ACACA: variants seen among roughly 807,000 people sequenced by gnomAD.
ACACA encodes acetyl-CoA carboxylase 1.
In ACACA, 103 loss-of-function variants were observed where a neutral mutation model predicts 296.1. The ratio of observed to expected loss-of-function variants is 0.35; its 90% CI spans 0.30 to 0.41. ACACA has a LOEUF of 0.41. Among genes scored for constraint, ACACA ranks in the 10% least tolerant of loss-of-function variants. The pLI is 1.00. For synonymous variants in ACACA, 953 were observed against 1,038.6 expected (o/e 0.92, Z 1.58); for missense variants, 1,554 against 2,989.7 (o/e 0.52, Z 11.20).
At chr17:37,320,750 C>T (rs1025663069) in intron 3 of ACACA, among the ~76,000 whole-genome samples, 5 of 151,796 alleles carry the variant, frequency 3.3e-5, no homozygotes, top group Admixed American at 6.6e-5. Flanking sequence ...GGTTCGAGAC[C>T]AGCCTGAGCA....
chr17:37,090,305 A>G (rs2072527615), intron 54 of ACACA, among the ~76,000 whole-genome samples: 1 of 152,208 alleles, frequency 6.6e-6, no homozygotes, highest in Non-Finnish European at 1.5e-5. Context: ...TTAGCTGCCG[A>G]CTTAGTTGTG....
rs150952308 is a variant in ACACA, at chr17:37,325,019, G to A, written c.338+5154C>T. Among the ~76,000 whole-genome samples, 1,273 of 151,118 alleles carry A rather than the reference G, an allele frequency of 8.4e-3. 14 individuals are homozygous for A. The highest frequency in any genetic ancestry group is 0.029 in the African/African-American group (1,214 of 41,182). ...AGTTCGAGACCTGCCTGACGAACAC[G>A]GTGAAACCCTGTCTCTGCTAAAAAT... is the stretch of plus-strand genomic sequence containing the variant. On this transcript the variant is annotated intron_variant, in intron 3 of 55. Coordinates refer to ENST00000616317, the MANE Select transcript of ACACA (RefSeq NM_198834.3).
At chr17:37,275,345 A>T (rs1025255677) in intron 8 of ACACA, among the ~76,000 whole-genome samples, 10 of 151,944 alleles carry the variant, frequency 6.6e-5, no homozygotes, top group Admixed American at 6.6e-5. Context: ...AAAAATACAA[A>T]AATTAGCCGG....
At chr17:37,320,309 C>T (rs537437289) in intron 3 of ACACA, among the ~76,000 whole-genome samples, 17 of 151,888 alleles carry the variant, frequency 1.1e-4, no homozygotes, top group Admixed American at 4.6e-4. Flanking sequence ...GTCAGGAGTT[C>T]GAGACCAGCT....
At position 37,110,075 on chromosome 17, in the gene ACACA, GA is replaced by G. The variant is rs3841372; in HGVS notation, c.6565+1455del. ...TGGCCAGAAAGAAAACCAGCAAAAA[GA>G]AAAAAAAAAGGGAAAAGAAAAAGGA... On this transcript the variant is annotated intron_variant, in intron 52 of 55. Coordinates refer to ENST00000616317, the MANE Select transcript of ACACA (RefSeq NM_198834.3). Among the ~76,000 whole-genome samples, 332 of 134,096 alleles carry G rather than the reference GA, an allele frequency of 2.5e-3. 8 individuals are homozygous for G. In the East Asian group the frequency reaches 0.063, roughly 25 times the overall value. The allele number at this position is 134,096 out of a possible 152,430, so 88.0% of individuals were successfully genotyped here.
chr17:37,277,780 C>T (rs1416411317), intron 6 of ACACA, 116 bp downstream of exon 6: 3 of 743,952 alleles, frequency 4.0e-6, no homozygotes, highest in Non-Finnish European at 7.2e-6. Flanking sequence ...CATACACAGG[C>T]ATTTAATAAT....
At position 37,200,403 on chromosome 17, in the gene ACACA, G is replaced by C. The variant is rs1030098935; in HGVS notation, c.4113+24C>G. 2.5e-6 allele frequency: 4 copies of C among 1,579,348 alleles called. No individual in the cohort carries two copies. The African/African-American group carries it at 4.0e-5, about 16-fold the overall frequency. On this transcript the variant is annotated intron_variant, in intron 34 of 55. Coordinates refer to ENST00000616317, the MANE Select transcript of ACACA (RefSeq NM_198834.3). ...TAGCAGCAGCATAAGAAATATTAAAGAGGTACAATTCACATGTCAGTACCT... is the reference window on the plus strand; with the variant it reads ...TAGCAGCAGCATAAGAAATATTAAACAGGTACAATTCACATGTCAGTACCT...
chr17:37,276,889 C>G, intron 7 of ACACA, 144 bp downstream of exon 7: 1 of 754,156 alleles, frequency 1.3e-6, no homozygotes, highest in Non-Finnish European at 2.4e-6. Context: ...GAGGGTTACT[C>G]TGAGAGTTAG....
intron 3 of ACACA, among the ~76,000 whole-genome samples, chr17:37,323,188 T>C (rs1412992727): frequency 6.6e-6 from 1 of 152,272 alleles, no homozygotes; most frequent in African/African-American, 2.4e-5. Flanking sequence ...CACCTGCCCA[T>C]CTGCATCCTC....
chr17:37,104,116 G>A (rs570775754), intron 52 of ACACA, among the ~76,000 whole-genome samples: 15 of 152,284 alleles, frequency 9.9e-5, no homozygotes, highest in African/African-American at 3.6e-4. Flanking sequence ...TAGCCAATGA[G>A]CTGGAAAAGA....
chr17:37,242,673 G>C (rs1200943115), intron 22 of ACACA, among the ~76,000 whole-genome samples: 1 of 152,120 alleles, frequency 6.6e-6, no homozygotes, highest in Admixed American at 6.5e-5. Context: ...CAAGGCTACA[G>C]CGAGCCATGA....
At chr17:37,211,777 G>T (rs2078759238) in intron 29 of ACACA, among the ~76,000 whole-genome samples, 2 of 152,200 alleles carry the variant, frequency 1.3e-5, no homozygotes, top group African/African-American at 4.8e-5. Flanking sequence ...TGTGATTTGT[G>T]AGTAGAAATG....
At chr17:37,099,213 C>T (rs2073173128) in intron 52 of ACACA, among the ~76,000 whole-genome samples, 1 of 152,160 alleles carries the variant, frequency 6.6e-6, no homozygotes, top group Non-Finnish European at 1.5e-5. Flanking sequence ...AGGGATGTAA[C>T]TATAGTACTT....
At position 37,130,663 on chromosome 17, in the gene ACACA, C is replaced by T. The variant is rs912345898; in HGVS notation, c.5680-445G>A. The stretch of plus-strand genomic sequence containing the variant: ...TTTTAAAACCAGCAAGCCCCTTTCT[C>T]TCCACCAGCTGCCACAGATAGGCAA... On this transcript the variant is annotated intron_variant, in intron 45 of 55. Transcript: ENST00000616317. 3.3e-5 allele frequency among the ~76,000 whole-genome samples: 5 copies of T among 152,126 alleles called. No individual in the cohort carries two copies. The South Asian group carries it at 1.0e-3, about 32-fold the overall frequency.
chr17:37,249,666 T>C (rs2080886350), intron 16 of ACACA, among the ~76,000 whole-genome samples: 1 of 152,136 alleles, frequency 6.6e-6, no homozygotes, highest in South Asian at 2.1e-4. Flanking sequence ...AGATGTGAAC[T>C]AAAAAACACT....
chr17:37,351,254 G>C (rs928471009), intron 1 of ACACA, among the ~76,000 whole-genome samples: 5 of 152,162 alleles, frequency 3.3e-5, no homozygotes, highest in Non-Finnish European at 7.3e-5. Flanking sequence ...CTGATGTCAG[G>C]GGTTCAAGAC....
intron 9 of ACACA, among the ~76,000 whole-genome samples, chr17:37,272,785 C>G (rs186712508): frequency 3.3e-5 from 5 of 151,446 alleles, no homozygotes; most frequent in Admixed American, 3.3e-4. Flanking sequence ...TAGTAAGACC[C>G]AAAACTTATA....
chr17:37,366,123 T>G (rs1212527594), intron 1 of ACACA, among the ~76,000 whole-genome samples: 1 of 152,176 alleles, frequency 6.6e-6, no homozygotes, highest in African/African-American at 2.4e-5. Flanking sequence ...TAGCCATCCC[T>G]GACTTCACTT....
At chr17:37,378,064 A>G in intron 1 of ACACA, 1 of 1,121,702 alleles carries the variant, frequency 8.9e-7, no homozygotes, top group Non-Finnish European at 1.3e-6. Context: ...CCATATCTCA[A>G]ATATCCTATT....
Sources: gnomAD v4.1 joint callset for allele counts (sites outside exome capture counted in the v4.1 genomes callset) on GRCh38, gnomAD v4.1.1 for gene constraint, MANE v1.5 for transcripts, NCBI Gene and HGNC (gene_info 2026-07-23, HGNC 2026-07-21) for gene names.